LAMB3: variants seen among roughly 807,000 people sequenced by gnomAD.
The protein encoded by LAMB3 is laminin subunit beta 3.
LAMB3 carries 104 observed loss-of-function variants against 140.3 expected under a neutral mutation model. That is an observed-to-expected ratio of 0.74 (90% CI 0.63 to 0.87). The LOEUF is 0.87. LAMB3 is among the 40% of genes least tolerant of loss of function. LAMB3 has a pLI of 0.00. For synonymous variants in LAMB3, 592 were observed against 602.9 expected, an observed-to-expected ratio of 0.98 and a Z score of 0.26; for missense variants, 1,531 against 1,575.2, an observed-to-expected ratio of 0.97 and a Z score of 0.47.
chr1:209,639,574 G>GAT (rs1350653043), intron 3 of LAMB3, among the ~76,000 whole-genome samples: 5 of 152,066 alleles, frequency 3.3e-5, no homozygotes, highest in Non-Finnish European at 7.4e-5. Flanking sequence ...CCAGAGAGGC[G>GAT]ATATATCCCT....
At chr1:209,636,380 G>T (rs1000056322) in intron 5 of LAMB3, among the ~76,000 whole-genome samples, 1 of 152,184 alleles carries the variant, frequency 6.6e-6, no homozygotes, top group African/African-American at 2.4e-5. Flanking sequence ...TCCCCTGGGG[G>T]AGAGGAGAGG....
chr1:209,634,359 C>T (rs1666812470), intron 6 of LAMB3, 88 bp downstream of exon 6: 1 of 1,383,092 alleles, frequency 7.2e-7, no homozygotes, highest in African/African-American at 1.4e-5. Context: ...GTGTTTCCGT[C>T]CCTTCTCAGG....
At chr1:209,632,799 A>G (rs1277301876) in intron 7 of LAMB3, 23 bp from the exon 8 acceptor site, 4 of 1,607,970 alleles carry the variant, frequency 2.5e-6, no homozygotes, top group Non-Finnish European at 3.4e-6. Context: ...AACAGCAAGG[A>G]GGGAAGAGTT....
In LAMB3 at chr1:209,650,849, CCTT is replaced by C. The variant is rs1386126370; in HGVS notation, c.28+65_28+67del. ...TGATGCCCACACTTTGGTAAACTCTCCTTCTCCCTGTGGCTGTTGCCTCCCTGC... is the reference window on the plus strand; with the variant it reads ...TGATGCCCACACTTTGGTAAACTCTCCTCCCTGTGGCTGTTGCCTCCCTGC... On this transcript the variant is annotated intron_variant, in intron 2 of 22. Coordinates refer to ENST00000356082, the MANE Select transcript of LAMB3 (RefSeq NM_000228.3). The C allele has an allele frequency of 3.3e-6, 5 of 1,492,648 alleles. No individual in the cohort carries two copies. The African/African-American group carries it at 5.5e-5, about 16-fold the overall frequency. 92.5% of individuals were successfully genotyped at this position (1,492,648 alleles called of 1,614,324 possible). A position where few individuals can be genotyped will look rare whatever the true frequency, so the allele number is the denominator to read the frequency against.
chr1:209,623,733 G>A lies in LAMB3; in HGVS notation c.2138-8C>T, dbSNP rs946848233. ...TCAGCATCCGGAAGGCTCCTGTGGC[G>A]AGAAGCATGAGGAATGGAGATGGAG... On this transcript the variant is annotated splice_region_variant and splice_polypyrimidine_tract_variant and intron_variant, in intron 15 of 22. Coordinates refer to ENST00000356082, the MANE Select transcript of LAMB3 (RefSeq NM_000228.3). This position sits in a 1 kb window ranked among gnomAD's most constrained non-coding sequence, Gnocchi z 4.2. The A allele has an allele frequency of 1.6e-5, 26 of 1,613,778 alleles. No homozygotes were observed. The highest frequency in any genetic ancestry group is 4.0e-5 in the African/African-American group (3 of 74,952).
In LAMB3 at chr1:209,623,653, C is replaced by T. The variant is rs759000432; in HGVS notation, c.2210G>A (p.Arg737His). The T allele has an allele frequency of 2.2e-5, 36 of 1,614,100 alleles. No individual in the cohort carries two copies. The highest frequency in any genetic ancestry group is 3.3e-5 in the South Asian group (3 of 91,094). The change falls in exon 16 of 23, where the codon CGC (arginine) becomes CAC (histidine). Residue 737 changes from arginine to histidine, a missense_variant. Physicochemically the swap from Arg to His is conservative, Grantham distance 29 (BLOSUM62 0). Transcript: ENST00000356082. This position sits in a 1 kb window ranked among gnomAD's most constrained non-coding sequence, Gnocchi z 4.2. ...QAAQQVSDSS[R>H]LLDQLRDSRR... ...GCTGTCCCTGAGCTGGTCCAAAAGGCGCGAGCTGTCGGAGACCTGCTGAGC... is the reference window on the plus strand; with the variant it reads ...GCTGTCCCTGAGCTGGTCCAAAAGGTGCGAGCTGTCGGAGACCTGCTGAGC...
intron 14 of LAMB3, among the ~76,000 whole-genome samples, chr1:209,624,625 T>C (rs1185487722): frequency 1.3e-5 from 2 of 152,218 alleles, no homozygotes; most frequent in African/African-American, 4.8e-5. Context: ...TCCATGCCTG[T>C]GTTTCCAACC....
Position 209,629,803 on chromosome 1 carries a change from C to T in LAMB3, c.1066G>A (p.Glu356Lys), listed in dbSNP as rs1453398438. The T allele has an allele frequency of 6.2e-7, 1 of 1,613,914 alleles. No homozygotes were observed. Among genetic ancestry groups the T allele is most frequent in the African/African-American group, 1.3e-5 (1 of 74,742 alleles). ...CRDHTEGKNC[E>K]RCQLHYFRNR... ...CGGAAATAGTGCAGCTGACACCGCTCACAGTTCTTGCCTTCGGTGTGGTCC... is the reference window on the plus strand; with the variant it reads ...CGGAAATAGTGCAGCTGACACCGCTTACAGTTCTTGCCTTCGGTGTGGTCC... The change falls in exon 10 of 23, where the codon GAG becomes AAG. Residue 356 changes from glutamate to lysine, a missense_variant. Physicochemically the swap from Glu to Lys is moderately conservative, Grantham distance 56. Coordinates refer to ENST00000356082, the MANE Select transcript of LAMB3 (RefSeq NM_000228.3).
Position 209,623,087 on chromosome 1 carries a change from G to A in LAMB3, c.2451C>T (p.Arg817=). ...CGGCCCTGGGAAGGACACCCCTGCA[G>A]CGGGAGCCACAGGCTGTGCCATTGT... ...PQDNGTACGS[R]CRGVLPRAGG... The change falls in exon 17 of 23, where the codon CGC becomes CGT. Residue 817 remains arginine, a synonymous_variant. Transcript: ENST00000356082. The surrounding 1 kb of genome is among the most constrained non-coding windows in gnomAD (Gnocchi z 4.2). 6.2e-7 allele frequency: 1 copy of A among 1,614,266 alleles called. No homozygotes were observed. Among genetic ancestry groups the A allele is most frequent in the Non-Finnish European group, 8.5e-7 (1 of 1,180,056 alleles).
chr1:209,634,711 A>G, intron 5 of LAMB3, 73 bp from the exon 6 acceptor site: 2 of 1,266,102 alleles, frequency 1.6e-6, no homozygotes, highest in South Asian at 1.2e-5. Context: ...GCAGAGAGAC[A>G]GGCTCCTCCA....
In LAMB3 at chr1:209,618,600, G is replaced by T. The variant is rs539390533; in HGVS notation, c.2761C>A (p.Leu921Met). 108 of 1,614,272 alleles carry T rather than the reference G, an allele frequency of 6.7e-5. 1 individual carries two copies. In the South Asian group the frequency reaches 1.1e-3, roughly 17 times the overall value. Reference protein sequence around the residue: ...EVSEAVLALWLPTDSATVLQK... With the variant: ...EVSEAVLALWMPTDSATVLQK... Reference sequence around the variant, plus strand: ...AGAACAGTAGCTGAGTCTGTGGGCAGCCACAGGGCCAGCACGGCCTCGCTG... The same window carrying T: ...AGAACAGTAGCTGAGTCTGTGGGCATCCACAGGGCCAGCACGGCCTCGCTG... The change falls in exon 19 of 23, where the codon CTG becomes ATG. Residue 921 changes from leucine to methionine, a missense_variant. Leu to Met is a conservative substitution (Grantham distance 15). Transcript: ENST00000356082.
chr1:209,628,079 G>A lies in LAMB3; in HGVS notation c.1244C>T (p.Pro415Leu), dbSNP rs755841333. 40 of 1,606,282 alleles carry A rather than the reference G, an allele frequency of 2.5e-5. No individual in the cohort carries two copies. The highest frequency in any genetic ancestry group is 5.6e-5 in the South Asian group (5 of 89,498). ...VQGERCDLCK[P>L]GFTGLTYANP... ...GGCGTAGGTGAGTCCAGTGAAGCCC[G>A]GCTTGCATAGGTCACAGCGCTCTCC... Residue 415 changes from proline to leucine, a missense_variant, in exon 11 of 23, where the codon CCG (proline) becomes CTG (leucine). Transcript: ENST00000356082.
chr1:209,631,311 A>G (rs1666683113), intron 8 of LAMB3, among the ~76,000 whole-genome samples: 1 of 152,210 alleles, frequency 6.6e-6, no homozygotes, highest in Admixed American at 6.5e-5. Context: ...TGCTGACAGC[A>G]TAGCAAGATG....
chr1:209,617,205 C>T (rs1353808492), intron 21 of LAMB3, among the ~76,000 whole-genome samples: 1 of 152,214 alleles, frequency 6.6e-6, no homozygotes, highest in East Asian at 1.9e-4. Context: ...AGGTCATCTC[C>T]AGTGTCCCTG....
intron 5 of LAMB3, among the ~76,000 whole-genome samples, chr1:209,635,634 C>T (rs1302964952): frequency 6.6e-6 from 1 of 152,028 alleles, no homozygotes; most frequent in Non-Finnish European, 1.5e-5. Flanking sequence ...AACTCCTGAC[C>T]TCAAGTGATC....
At chr1:209,632,338 C>T (rs1028714297) in intron 8 of LAMB3, among the ~76,000 whole-genome samples, 2 of 152,196 alleles carry the variant, frequency 1.3e-5, no homozygotes, top group African/African-American at 2.4e-5. Context: ...AAACTCCCTC[C>T]CAATTTCCAC....
Position 209,637,959 on chromosome 1 carries a change from C to A in LAMB3, c.321G>T (p.Gln107His). The stretch of plus-strand genomic sequence containing the variant: ...GCTGGAATCTCCTGTCCAGGTCCAG[C>A]TGCAGAGAGACAGGGTTCACATCTG... The part of the protein sequence containing the change: ...SQNDVNPVSL[Q>H]LDLDRRFQLQ... Residue 107 changes from glutamine to histidine, a missense_variant, in exon 5 of 23, where the codon CAG becomes CAT. Physicochemically the swap from Gln to His is conservative, Grantham distance 24. Transcript: ENST00000356082. The A allele has an allele frequency of 6.2e-7, 1 of 1,613,274 alleles. No individual in the cohort carries two copies.
At chr1:209,629,323 T>G (rs1265164629) in intron 10 of LAMB3, among the ~76,000 whole-genome samples, 2 of 152,184 alleles carry the variant, frequency 1.3e-5, no homozygotes. Context: ...GTTCTCGATG[T>G]TGGGAGAAAT....
chr1:209,617,788 C>T (rs2102405455), intron 20 of LAMB3, 119 bp downstream of exon 20: 1 of 1,406,522 alleles, frequency 7.1e-7, no homozygotes, highest in Non-Finnish European at 1.0e-6. Context: ...AAGCTTGTCA[C>T]TCTCCTCTAG....
Sources: allele counts gnomAD v4.1 joint callset (sites outside exome capture counted in the v4.1 genomes callset), GRCh38; gene constraint gnomAD v4.1.1; non-coding constraint Gnocchi (gnomAD v3.1); transcripts MANE v1.5; gene names NCBI Gene and HGNC (gene_info 2026-07-23, HGNC 2026-07-21).